The following ZDHHC23 variants were observed in gnomAD, a reference collection of about 807,000 sequenced individuals.
The protein encoded by ZDHHC23 is zDHHC palmitoyltransferase 23.
In ZDHHC23, 41 loss-of-function variants were observed where a neutral mutation model predicts 40.2. The observed-to-expected ratio is 1.02, with a 90% CI of 0.79 to 1.32. The LOEUF (loss-of-function observed/expected upper bound fraction) is 1.32. Among genes scored for constraint, ZDHHC23 ranks in the 40% most tolerant of loss-of-function variants. The probability of loss-of-function intolerance (pLI) is 0.00; values close to 1 mark genes in which losing one functional copy is unlikely to be tolerated. For missense variants in ZDHHC23, 471 were observed against 541.5 expected, an observed-to-expected ratio of 0.87 and a Z score of 1.29; for synonymous variants, 204 against 210.2, an observed-to-expected ratio of 0.97 and a Z score of 0.26.
rs780185376 is a variant in ZDHHC23, at chr3:113,954,206, G to C, written c.668G>C (p.Gly223Ala). 5.0e-6 allele frequency: 8 copies of C among 1,614,196 alleles called. No individual in the cohort carries two copies. The highest frequency in any genetic ancestry group is 1.3e-5 in the African/African-American group (1 of 75,056). ...LSRKGQEKTK[G>A]FPGADMSGSL... is the part of the protein sequence containing the mutation. ...AGAAAAGGGCAGGAGAAGACCAAAG[G>C]GTTCCCTGGGGCAGACATGTCGGGC... The change falls in exon 3 of 5, where the codon GGG (glycine) becomes GCG (alanine). Residue 223 changes from glycine (G) to alanine (A), a missense_variant. Physicochemically the swap from Gly to Ala is moderately conservative, Grantham distance 60. Around this residue, in one of 3 missense-constraint regions of ZDHHC23, gnomAD observed 346 missense variants for 399.8 expected, o/e 0.87. Transcript: ENST00000638807.
At chr3:113,978,956 A>G in the ZDHHC23 span, 1 of 1,614,070 alleles carries the variant, frequency 6.2e-7, no homozygotes, top group Non-Finnish European at 8.5e-7. Flanking sequence ...CTACGCTGGA[A>G]CCACGTCAGC....
At chr3:113,957,655 G>T in intron 4 of ZDHHC23, 1 of 477,222 alleles carries the variant, frequency 2.1e-6, no homozygotes, top group South Asian at 1.5e-5. Context: ...GGTCCCTTCA[G>T]CTTTTACAAA....
intron 4 of ZDHHC23, among the ~76,000 whole-genome samples, chr3:113,956,851 T>C (rs1189884650): frequency 6.6e-6 from 1 of 152,220 alleles, no homozygotes; most frequent in African/African-American, 2.4e-5. Flanking sequence ...CCAGGGCACA[T>C]ATGTGCCTAT....
At chr3:113,950,493 CTCAT>C (rs1559840079) in intron 2 of ZDHHC23, among the ~76,000 whole-genome samples, 1 of 152,066 alleles carries the variant, frequency 6.6e-6, no homozygotes, top group Non-Finnish European at 1.5e-5. Context: ...GGGCACAAGT[CTCAT>C]TCATGAGGGC....
the ZDHHC23 span, chr3:113,978,479 G>A: frequency 6.5e-6 from 5 of 764,614 alleles, no homozygotes; most frequent in Non-Finnish European, 1.0e-5. Flanking sequence ...TGGAAGCCAA[G>A]AAAATATCCT....
intron 3 of ZDHHC23, 135 bp downstream of exon 3, chr3:113,954,545 G>A: frequency 2.4e-6 from 2 of 821,736 alleles, no homozygotes; most frequent in Non-Finnish European, 3.6e-6. Flanking sequence ...GTGGGTTGTT[G>A]TGATGTTCCC....
intron 4 of ZDHHC23, 68 bp downstream of exon 4, chr3:113,956,574 A>G (rs1325361688): frequency 2.0e-6 from 3 of 1,477,826 alleles, no homozygotes; most frequent in Non-Finnish European, 2.7e-6. Context: ...GACAGGGACT[A>G]TTACTACTTG....
At position 113,953,981 on chromosome 3, in the gene ZDHHC23, C is replaced by T. The variant is rs777031392; in HGVS notation, c.443C>T (p.Ser148Phe). 1.9e-6 allele frequency: 3 copies of T among 1,614,040 alleles called. No homozygotes were observed. Among genetic ancestry groups the T allele is most frequent in the Non-Finnish European group, 2.5e-6 (3 of 1,180,044 alleles). ...TTTTTCCTGAGCCTTGGACTGTTCT[C>T]TCTGGGCTACATGTACTATGTGTTC... ...TLFFLSLGLF[S>F]LGYMYYVFLQ... Residue 148 changes from serine (S) to phenylalanine (F), a missense_variant, in exon 3 of 5, where the codon TCT (serine) becomes TTT (phenylalanine). Ser to Phe is a radical substitution (Grantham distance 155, BLOSUM62 -2). Around this residue, in one of 3 missense-constraint regions of ZDHHC23, gnomAD observed 346 missense variants for 399.8 expected, o/e 0.87. Transcript: ENST00000638807.
chr3:113,974,851 T>C, the ZDHHC23 span, among the ~76,000 whole-genome samples: 1 of 152,184 alleles, frequency 6.6e-6, no homozygotes, highest in African/African-American at 2.4e-5. Context: ...AGTAAACCTT[T>C]CTCTTGCTCT....
the ZDHHC23 span, among the ~76,000 whole-genome samples, chr3:113,976,297 CAAAA>C: frequency 2.0e-5 from 3 of 150,656 alleles, no homozygotes; most frequent in East Asian, 1.9e-4. Context: ...CAAAAACAAA[CAAAA>C]AAGACAGAGG....
At chr3:113,975,844 G>A in the ZDHHC23 span, among the ~76,000 whole-genome samples, 1 of 152,200 alleles carries the variant, frequency 6.6e-6, no homozygotes, top group African/African-American at 2.4e-5. Flanking sequence ...TGAAATCACA[G>A]CAATGCTTTT....
Position 113,954,317 on chromosome 3 carries a change from G to T in ZDHHC23, c.779G>T (p.Trp260Leu). ...AGCCCCACCAAAGCGAAGGAGGACT[G>T]GTGTGCCAAGTGCCAGCTGGTGCGA... ...AGSPTKAKED[W>L]CAKCQLVRPA... The change falls in exon 3 of 5, where the codon TGG becomes TTG. Residue 260 changes from tryptophan to leucine, a missense_variant. Physicochemically the swap from Trp to Leu is moderately conservative, Grantham distance 61. Transcript: ENST00000638807. 6.2e-7 allele frequency: 1 copy of T among 1,614,162 alleles called. No homozygotes were observed. The highest frequency in any genetic ancestry group is 8.5e-7 in the Non-Finnish European group (1 of 1,180,000).
At chr3:113,971,801 A>G in the ZDHHC23 span, among the ~76,000 whole-genome samples, 1 of 152,032 alleles carries the variant, frequency 6.6e-6, no homozygotes, top group Admixed American at 6.6e-5. Flanking sequence ...TGAAGCCATT[A>G]GGACCTGGGC....
At chr3:113,950,111 T>G (rs1938518202) in intron 2 of ZDHHC23, among the ~76,000 whole-genome samples, 1 of 152,180 alleles carries the variant, frequency 6.6e-6, no homozygotes, top group Admixed American at 6.5e-5. Context: ...TCTCCTCTGC[T>G]CTCTCTGTAC....
At chr3:113,977,012 T>A in the ZDHHC23 span, among the ~76,000 whole-genome samples, 2 of 152,276 alleles carry the variant, frequency 1.3e-5, no homozygotes, top group East Asian at 3.9e-4. Flanking sequence ...TTGGTGGAGG[T>A]AGGCACCCTC....
chr3:113,953,568 T>C, intron 2 of ZDHHC23, 132 bp from the exon 3 acceptor site: 1 of 727,244 alleles, frequency 1.4e-6, no homozygotes, highest in South Asian at 1.9e-5. Context: ...CTTAATTTAG[T>C]AGTAAGGAAG....
At chr3:113,967,289 G>A (rs145251109), downstream of ZDHHC23, among the ~76,000 whole-genome samples, 237 of 152,052 alleles carry the variant, frequency 1.6e-3, no homozygotes, top group African/African-American at 5.3e-3. Flanking sequence ...GTTCTCTGAC[G>A]TCTGCATTTT....
intron 2 of ZDHHC23, among the ~76,000 whole-genome samples, chr3:113,952,452 A>G (rs1938768481): frequency 1.3e-5 from 2 of 152,140 alleles, no homozygotes; most frequent in African/African-American, 4.8e-5. Flanking sequence ...TCGAAGATTG[A>G]GGCTTTCTCT....
intron 2 of ZDHHC23, among the ~76,000 whole-genome samples, chr3:113,949,494 T>C (rs1938458718): frequency 6.6e-6 from 1 of 152,204 alleles, no homozygotes; most frequent in South Asian, 2.1e-4. Flanking sequence ...CAGTTTTCAG[T>C]GCGACCAGCA....
Sources: gnomAD v4.1 joint callset for allele counts (sites outside exome capture counted in the v4.1 genomes callset) on GRCh38, gnomAD v4.1.1 for gene constraint, gnomAD v4.1.1 regional missense constraint, MANE v1.5 for transcripts, NCBI Gene and HGNC (gene_info 2026-07-23, HGNC 2026-07-21) for gene names.